CYP1A1: variants seen among roughly 807,000 people sequenced by gnomAD.
CYP1A1 encodes cytochrome P450 1A1.
Under a neutral mutation model 33.6 loss-of-function variants are expected in CYP1A1, and 43 were observed. The ratio of observed to expected loss-of-function variants is 1.28; its 90% CI spans 1.00 to 1.65. The LOEUF (loss-of-function observed/expected upper bound fraction) is 1.65, where lower values mean the gene tolerates loss of function less well. Among genes scored for constraint, CYP1A1 ranks in the 40% most tolerant of loss-of-function variants. CYP1A1 has a pLI of 0.00. For missense variants in CYP1A1, 637 were observed against 653.7 expected (o/e 0.97, Z 0.28); for synonymous variants, 280 against 257.8 (o/e 1.09, Z -0.83).
chr15:74,720,931 G>A, intron 6 of CYP1A1, 36 bp downstream of exon 6: 1 of 1,604,046 alleles, frequency 6.2e-7, no homozygotes, highest in East Asian at 2.2e-5. Flanking sequence ...GCTTAAGAGG[G>A]TGGACCCAGC....
At position 74,721,433 on chromosome 15, in the gene CYP1A1, T is replaced by C. The variant is rs1300181341; in HGVS notation, c.1023A>G (p.Arg341=). The C allele has an allele frequency of 5.6e-6, 9 of 1,614,178 alleles. No homozygotes were observed. The South Asian group carries it at 9.9e-5, about 18-fold the overall frequency. The change falls in exon 4 of 7, where the codon AGA becomes AGG. Residue 341 remains arginine, a synonymous_variant. Transcript: ENST00000379727. ...MYLVMNPRVQ[R]KIQEELDTVI... Reference sequence around the variant, plus strand: ...ACCTACCTAGCTCCTCTTGGATCTTTCTCTGTACCCTGGGGTTCATCACCA... The same window carrying C: ...ACCTACCTAGCTCCTCTTGGATCTTCCTCTGTACCCTGGGGTTCATCACCA...
Position 74,720,763 on chromosome 15 carries a change from A to G in CYP1A1, c.1265T>C (p.Val422Ala), listed in dbSNP as rs1245678102. 6.2e-7 allele frequency: 1 copy of G among 1,610,566 alleles called. No individual in the cohort carries two copies. The highest frequency in any genetic ancestry group is 1.3e-5 in the African/African-American group (1 of 74,904). Residue 422 changes from valine to alanine, a missense_variant, in exon 7 of 7, where the codon GTC (valine) becomes GCC (alanine). By Grantham distance (64) the Val-to-Ala change is moderately conservative (BLOSUM62 0). Coordinates refer to ENST00000379727, the MANE Select transcript of CYP1A1 (RefSeq NM_001319217.2). The stretch of plus-strand genomic sequence containing the variant: ...TTCAGGTAGGAACTCAGATGGGTTG[A>G]CCCATAGCTTCCTGTAACCAGAGGG... ...WQINHDQKLWVNPSEFLPERF... is the reference protein window; with the variant it reads ...WQINHDQKLWANPSEFLPERF...
chr15:74,720,418 G>T lies in CYP1A1; in HGVS notation c.*71C>A. 1 of 1,480,852 alleles carries T rather than the reference G, an allele frequency of 6.8e-7. No individual in the cohort carries two copies. Among genetic ancestry groups the T allele is most frequent in the Non-Finnish European group, 9.1e-7 (1 of 1,104,754 alleles). The allele number at this position is 1,480,852 out of a possible 1,614,324, so 91.7% of individuals were successfully genotyped here. ...TTCAGGCTGAACCTTAGACCACATA[G>T]GCCAGCCTGCTGGTCTGGCTGCCCA... On this transcript the variant is annotated 3_prime_UTR_variant, in exon 7 of 7. Transcript: ENST00000379727.
In CYP1A1 at chr15:74,720,695, C is replaced by T; in HGVS notation, c.1333G>A (p.Glu445Lys). ...CCCATGCCAAAGATAATCACCTTCTCACTTAACACCTTGTCGATAGCACCA... is the reference window on the plus strand; with the variant it reads ...CCCATGCCAAAGATAATCACCTTCTTACTTAACACCTTGTCGATAGCACCA... ...PDGAIDKVLS[E>K]KVIIFGMGKR... The change falls in exon 7 of 7, where the codon GAG becomes AAG. Residue 445 changes from glutamate (E) to lysine (K), a missense_variant. Physicochemically the swap from Glu to Lys is moderately conservative, Grantham distance 56. Coordinates refer to ENST00000379727, the MANE Select transcript of CYP1A1 (RefSeq NM_001319217.2). 1 of 1,614,168 alleles carries T rather than the reference C, an allele frequency of 6.2e-7. No individual in the cohort carries two copies. The highest frequency in any genetic ancestry group is 1.1e-5 in the South Asian group (1 of 91,082).
rs1437211549 is a variant in CYP1A1, at chr15:74,720,018, T to C, written c.*471A>G. The C allele has an allele frequency of 6.5e-6, 1 of 153,950 alleles. No homozygotes were observed. The highest frequency in any genetic ancestry group is 1.4e-5 in the Non-Finnish European group (1 of 69,400). The allele number at this position is 153,950 out of a possible 1,614,324, so 9.5% of individuals were successfully genotyped here. ...AGTTCAAGCAGTGAGACTACCTCTG[T>C]GCCAGTATCCTGGGCTGTCTCTTCC... On this transcript the variant is annotated 3_prime_UTR_variant, in exon 7 of 7. Coordinates refer to ENST00000379727, the MANE Select transcript of CYP1A1 (RefSeq NM_001319217.2).
Position 74,721,421 on chromosome 15 carries a change from C to T in CYP1A1, c.1035G>A (p.Glu345=), listed in dbSNP as rs745800803. ...AAGGGAGCCACTACCTACCTAGCTC[C>T]TCTTGGATCTTTCTCTGTACCCTGG... is the stretch of plus-strand genomic sequence containing the variant. The part of the protein sequence containing the change: ...MNPRVQRKIQ[E]ELDTVIGRSR... Residue 345 remains glutamate, a synonymous_variant, in exon 4 of 7, where the codon GAG becomes GAA. Transcript: ENST00000379727. 2.5e-6 allele frequency: 4 copies of T among 1,614,196 alleles called. No individual in the cohort carries two copies. The highest frequency in any genetic ancestry group is 2.2e-5 in the South Asian group (2 of 91,082).
At chr15:74,721,095 A>G in intron 5 of CYP1A1, 42 bp from the exon 6 acceptor site, 1 of 1,612,700 alleles carries the variant, frequency 6.2e-7, no homozygotes, top group Non-Finnish European at 8.5e-7. Flanking sequence ...GGCAACAGGC[A>G]AATCTCCCTG....
chr15:74,723,171 G>T, intron 1 of CYP1A1, 45 bp from the exon 2 acceptor site: 3 of 1,182,068 alleles, frequency 2.5e-6, no homozygotes, highest in Non-Finnish European at 3.5e-6. Flanking sequence ...CGTCAGATTG[G>T]GGGATGAGAA....
At position 74,721,270 on chromosome 15, in the gene CYP1A1, C is replaced by A. The variant is rs2063167649; in HGVS notation, c.1095G>T (p.Leu365=). 1.9e-6 allele frequency: 3 copies of A among 1,613,772 alleles called. No individual in the cohort carries two copies. The highest frequency in any genetic ancestry group is 2.5e-6 in the Non-Finnish European group (3 of 1,179,864). ...RRPRLSDRSH[L]PYMEAFILET... The stretch of plus-strand genomic sequence containing the variant: ...CCAGGATGAAGGCCTCCATATAGGG[C>A]AGATGGGATCTGTCAGAGAGCCGGG... Residue 365 remains leucine (L), a synonymous_variant, in exon 5 of 7, where the codon CTG becomes CTT. Transcript: ENST00000379727.
chr15:74,724,711 C>T (rs2063201668), intron 1 of CYP1A1, among the ~76,000 whole-genome samples: 1 of 150,886 alleles, frequency 6.6e-6, no homozygotes, highest in Admixed American at 6.6e-5. Flanking sequence ...ATGGTGTCCC[C>T]TTCTGCACAG....
At position 74,720,095 on chromosome 15, in the gene CYP1A1, G is replaced by A. The variant is rs1253361473; in HGVS notation, c.*394C>T. On this transcript the variant is annotated 3_prime_UTR_variant, in exon 7 of 7. Transcript: ENST00000379727. Reference sequence around the variant, plus strand: ...CAAAGATTGGACAGGGTCCTGGTTTGGCTAGTTCTAACTTGCTGAAGCCAG... The same window carrying A: ...CAAAGATTGGACAGGGTCCTGGTTTAGCTAGTTCTAACTTGCTGAAGCCAG... 1 of 168,108 alleles carries A rather than the reference G, an allele frequency of 5.9e-6. No individual in the cohort carries two copies. The highest frequency in any genetic ancestry group is 2.4e-5 in the African/African-American group (1 of 42,068). 10.4% of individuals were successfully genotyped at this position (168,108 alleles called of 1,614,324 possible). A position where few individuals can be genotyped will look rare whatever the true frequency, so the allele number is the denominator to read the frequency against.
Position 74,720,581 on chromosome 15 carries a change from G to A in CYP1A1, c.1447C>T (p.Pro483Ser), listed in dbSNP as rs45500996. 6.8e-6 allele frequency: 11 copies of A among 1,613,748 alleles called. No homozygotes were observed. In the African/African-American group the frequency reaches 1.2e-4, roughly 18 times the overall value. ...ILLQRVEFSV[P>S]LGVKVDMTPI... Reference sequence around the variant, plus strand: ...GTCATGTCCACCTTCACGCCCAGTGGCACGCTGAATTCCACCCGTTGCAGC... The same window carrying A: ...GTCATGTCCACCTTCACGCCCAGTGACACGCTGAATTCCACCCGTTGCAGC... The change falls in exon 7 of 7, where the codon CCA (proline) becomes TCA (serine). Residue 483 changes from proline (P) to serine (S), a missense_variant. Coordinates refer to ENST00000379727, the MANE Select transcript of CYP1A1 (RefSeq NM_001319217.2).
chr15:74,722,806 G>C lies in CYP1A1; in HGVS notation c.292C>G (p.Arg98Gly). The C allele has an allele frequency of 6.2e-7, 1 of 1,613,918 alleles. No individual in the cohort carries two copies. The highest frequency in any genetic ancestry group is 8.5e-7 in the Non-Finnish European group (1 of 1,180,018). The part of the protein sequence containing the change: ...GLDTIRQALV[R>G]QGDDFKGRPD... ...CGGCCCTTGAAATCATCGCCCTGCC[G>C]CACCAGGGCCTGCCGGATGGTGTCC... is the stretch of plus-strand genomic sequence containing the variant. The change falls in exon 2 of 7, where the codon CGG becomes GGG. Residue 98 changes from arginine (R) to glycine (G), a missense_variant. Transcript: ENST00000379727.
In CYP1A1 at chr15:74,721,292, C is replaced by T. The variant is rs186168141; in HGVS notation, c.1073G>A (p.Arg358Gln). The T allele has an allele frequency of 2.9e-5, 47 of 1,613,344 alleles. No individual in the cohort carries two copies. The Admixed American group carries it at 5.5e-4, about 19-fold the overall frequency. ...GGGCAGATGGGATCTGTCAGAGAGC[C>T]GGGGCCGCCGTGACCTGCCAATCAC... ...DTVIGRSRRP[R>Q]LSDRSHLPYM... The change falls in exon 5 of 7, where the codon CGG becomes CAG. Residue 358 changes from arginine to glutamine, a missense_variant. Arg to Gln is a conservative substitution (Grantham distance 43, BLOSUM62 1). Coordinates refer to ENST00000379727, the MANE Select transcript of CYP1A1 (RefSeq NM_001319217.2).
Position 74,722,470 on chromosome 15 carries a change from T to G in CYP1A1, c.628A>C (p.Asn210His). 3 of 1,614,012 alleles carry G rather than the reference T, an allele frequency of 1.9e-6. No individual in the cohort carries two copies. The highest frequency in any genetic ancestry group is 2.5e-6 in the Non-Finnish European group (3 of 1,179,988). Residue 210 changes from asparagine (N) to histidine (H), a missense_variant, in exon 2 of 7, where the codon AAC (asparagine) becomes CAC (histidine). By Grantham distance (68) the Asn-to-His change is moderately conservative. Transcript: ENST00000379727. The stretch of plus-strand genomic sequence containing the variant: ...ACTAGGCTAAGCAGTTCTTGGTGGT[T>G]GTGGTCATAGCGCCGGCCAAAGCAA... ...AICFGRRYDH[N>H]HQELLSLVNL...
At chr15:74,724,920 G>A (rs574674585) in intron 1 of CYP1A1, among the ~76,000 whole-genome samples, 3 of 152,148 alleles carry the variant, frequency 2.0e-5, no homozygotes. Flanking sequence ...TGCCTCTATT[G>A]TCCCAGCTGT....
At chr15:74,724,955 C>T (rs2063203745) in intron 1 of CYP1A1, among the ~76,000 whole-genome samples, 1 of 152,168 alleles carries the variant, frequency 6.6e-6, no homozygotes. Context: ...CACTGACAAG[C>T]CACCCTTAGG....
Position 74,721,465 on chromosome 15 carries a change from T to C in CYP1A1, c.991A>G (p.Met331Val). The stretch of plus-strand genomic sequence containing the variant: ...ACCCTGGGGTTCATCACCAAATACA[T>C]GAGGCTCCAGGAGATAGCAGTTGTG... Reference protein sequence around the residue: ...TVTTAISWSLMYLVMNPRVQR... With the variant: ...TVTTAISWSLVYLVMNPRVQR... The change falls in exon 4 of 7, where the codon ATG becomes GTG. Residue 331 changes from methionine to valine, a missense_variant. Coordinates refer to ENST00000379727, the MANE Select transcript of CYP1A1 (RefSeq NM_001319217.2). 2.5e-6 allele frequency: 4 copies of C among 1,614,114 alleles called. No homozygotes were observed. In the South Asian group the frequency reaches 4.4e-5, roughly 18 times the overall value.
chr15:74,725,091 G>A (rs376824508), intron 1 of CYP1A1: 5 of 152,470 alleles, frequency 3.3e-5, no homozygotes, highest in African/African-American at 1.2e-4. Flanking sequence ...AAGCCTGAGG[G>A]AGGGGCTGCA....
Sources: gnomAD v4.1 joint callset for allele counts (sites outside exome capture counted in the v4.1 genomes callset) on GRCh38, gnomAD v4.1.1 for gene constraint, MANE v1.5 for transcripts, NCBI Gene and HGNC (gene_info 2026-07-23, HGNC 2026-07-21) for gene names.